The following USP13 variants were observed in gnomAD, a reference collection of about 807,000 sequenced individuals.
USP13 encodes ubiquitin specific peptidase 13, also known as ubiquitin carboxyl-terminal hydrolase 13.
Under a neutral mutation model 107.8 loss-of-function variants are expected in USP13, and 68 were observed. That is an observed-to-expected ratio of 0.63 (90% confidence interval 0.52 to 0.77). The LOEUF is 0.77. USP13 is among the 30% of genes least tolerant of loss of function. The probability of loss-of-function intolerance (pLI) is 0.00; values close to 1 mark genes in which losing one functional copy is unlikely to be tolerated. For missense variants in USP13, 945 were observed against 1,093.3 expected, an observed-to-expected ratio of 0.86 and a Z score of 1.91; for synonymous variants, 377 against 389.5, an observed-to-expected ratio of 0.97 and a Z score of 0.38.
At chr3:179,774,340 C>T (rs530241899) in intron 19 of USP13, among the ~76,000 whole-genome samples, 3 of 152,154 alleles carry the variant, frequency 2.0e-5, no homozygotes, top group Non-Finnish European at 2.9e-5. Context: ...AATGAAGCCG[C>T]GGACCCTCCC....
In USP13 at chr3:179,740,364, C is replaced by G; in HGVS notation, c.1372C>G (p.Leu458Val). The G allele has an allele frequency of 6.2e-7, 1 of 1,614,056 alleles. No homozygotes were observed. Among genetic ancestry groups the G allele is most frequent in the Non-Finnish European group, 8.5e-7 (1 of 1,179,970 alleles). The stretch of plus-strand genomic sequence containing the variant: ...GGAATTCTTCTTGCACCTGGTGAAT[C>G]TAGTAGAGGTGAGTAGTCAGTCTTC... Reference protein sequence around the residue: ...AQEFFLHLVNLVERNRIGSEN... With the variant: ...AQEFFLHLVNVVERNRIGSEN... The change falls in exon 11 of 21, where the codon CTA becomes GTA. Residue 458 changes from leucine (L) to valine (V), a missense_variant. Coordinates refer to ENST00000263966, the MANE Select transcript of USP13 (RefSeq NM_003940.3).
chr3:179,666,615 G>A (rs1720593591), intron 1 of USP13, among the ~76,000 whole-genome samples: 1 of 152,158 alleles, frequency 6.6e-6, no homozygotes, highest in African/African-American at 2.4e-5. Flanking sequence ...GAGTGGAGCT[G>A]GCAAAGCCTG....
At chr3:179,679,129 A>G (rs1402216411) in intron 1 of USP13, among the ~76,000 whole-genome samples, 3 of 152,180 alleles carry the variant, frequency 2.0e-5, no homozygotes, top group African/African-American at 7.2e-5. Context: ...GAATTTGATT[A>G]TTAGAAAATT....
intron 19 of USP13, among the ~76,000 whole-genome samples, chr3:179,780,240 G>A (rs1293768280): frequency 6.6e-6 from 1 of 152,104 alleles, no homozygotes; most frequent in Non-Finnish European, 1.5e-5. Context: ...TTGCAGTTAG[G>A]CAAGAAAAAG....
intron 15 of USP13, among the ~76,000 whole-genome samples, chr3:179,755,432 C>T (rs1349488057): frequency 2.0e-5 from 3 of 152,006 alleles, no homozygotes; most frequent in Admixed American, 2.0e-4. Context: ...GTAGCTGGGA[C>T]TACAGGCGCG....
At chr3:179,756,853 A>C (rs937267636) in intron 15 of USP13, among the ~76,000 whole-genome samples, 199 bp from the exon 16 acceptor site, 2 of 152,150 alleles carry the variant, frequency 1.3e-5, no homozygotes, top group African/African-American at 2.4e-5. Flanking sequence ...GTTTTAACTA[A>C]CCTAAACGCC....
intron 19 of USP13, among the ~76,000 whole-genome samples, chr3:179,772,021 G>A (rs546827495): frequency 6.6e-6 from 1 of 152,306 alleles, no homozygotes; most frequent in African/African-American, 2.4e-5. Context: ...TGGTGACAAA[G>A]CTAAGTGGTT....
chr3:179,748,839 A>G (rs1260803414), intron 13 of USP13, among the ~76,000 whole-genome samples: 2 of 152,186 alleles, frequency 1.3e-5, no homozygotes, highest in Admixed American at 1.3e-4. Context: ...TTGGTATGCA[A>G]CCTTGGCCAA....
At position 179,721,616 on chromosome 3, in the gene USP13, C is replaced by A; in HGVS notation, c.1088+27C>A. On this transcript the variant is annotated intron_variant, in intron 8 of 20. Transcript: ENST00000263966. This position sits in a 1 kb window ranked among gnomAD's most constrained non-coding sequence, Gnocchi z 4.3. ...TAAGTGCCTTCCATGCAGACCAGGG[C>A]ACGCGGCACCTCCCTGCCCCATCTA... 1 of 1,606,434 alleles carries A rather than the reference C, an allele frequency of 6.2e-7. No homozygotes were observed. Among genetic ancestry groups the A allele is most frequent in the Non-Finnish European group, 8.5e-7 (1 of 1,176,628 alleles).
chr3:179,752,432 G>A (rs1714646361), intron 14 of USP13, 59 bp downstream of exon 14: 3 of 1,288,698 alleles, frequency 2.3e-6, no homozygotes, highest in African/African-American at 1.5e-5. Context: ...AAACAACATG[G>A]CATGTGAAAG....
intron 14 of USP13, among the ~76,000 whole-genome samples, chr3:179,754,157 G>C (rs2300763): frequency 0.4 from 60,617 of 151,904 alleles, 13,141 homozygotes; most frequent in East Asian, 0.65. Context: ...GGTCTTGCTT[G>C]GGTGTTCCCA....
At position 179,740,309 on chromosome 3, in the gene USP13, A is replaced by T; in HGVS notation, c.1317A>T (p.Glu439Asp). 6.2e-7 allele frequency: 1 copy of T among 1,614,142 alleles called. No homozygotes were observed. The highest frequency in any genetic ancestry group is 8.5e-7 in the Non-Finnish European group (1 of 1,180,014). Residue 439 changes from glutamate to aspartate, a missense_variant, in exon 11 of 21, where the codon GAA (glutamate) becomes GAT (aspartate). Glu to Asp is a conservative substitution (Grantham distance 45). Transcript: ENST00000263966. ...FKAFVSKSHP[E>D]FSSNRQQDAQ... is the part of the protein sequence containing the mutation. ...CCTTTGTAAGCAAGAGCCACCCGGA[A>T]TTCTCCTCTAACAGGCAGCAAGATG...
chr3:179,653,783 G>A lies in USP13; in HGVS notation c.168+390G>A, dbSNP rs1720168697. The A allele has an allele frequency of 5.5e-6, 1 of 181,366 alleles. No individual in the cohort carries two copies. Among genetic ancestry groups the A allele is most frequent in the East Asian group, 1.6e-4 (1 of 6,428 alleles). 11.2% of individuals were successfully genotyped at this position (181,366 alleles called of 1,614,324 possible). A position where few individuals can be genotyped will look rare whatever the true frequency, so the allele number is the denominator to read the frequency against. On this transcript the variant is annotated intron_variant, in intron 1 of 20. Transcript: ENST00000263966. This position sits in a 1 kb window ranked among gnomAD's most constrained non-coding sequence, Gnocchi z 4.0. ...GACGGGATGATCCCCCCACACCCCG[G>A]GACACACACAGCCCTTCTTTTTCTG...
intron 3 of USP13, among the ~76,000 whole-genome samples, chr3:179,699,797 C>A (rs1233823700): frequency 7.0e-6 from 1 of 142,638 alleles, no homozygotes; most frequent in Non-Finnish European, 1.5e-5. Flanking sequence ...ATTTTTACTA[C>A]AAACTGCCCT....
Position 179,773,798 on chromosome 3 carries a change from T to A in USP13, c.2414-7941T>A, listed in dbSNP as rs144884595. Among the ~76,000 whole-genome samples the A allele has an allele frequency of 1.2e-4, 18 of 152,348 alleles. No homozygotes were observed. In the East Asian group the frequency reaches 3.5e-3, roughly 29 times the overall value. On this transcript the variant is annotated intron_variant, in intron 19 of 20. Coordinates refer to ENST00000263966, the MANE Select transcript of USP13 (RefSeq NM_003940.3). The stretch of plus-strand genomic sequence containing the variant: ...GGACCATAAATCCTTGAAATAATTA[T>A]ATTACCAGTTTATACCCCAATTTAT...
intron 3 of USP13, among the ~76,000 whole-genome samples, chr3:179,693,589 AAATT>A (rs1166113488): frequency 6.6e-6 from 1 of 152,142 alleles, no homozygotes. Flanking sequence ...TGTGACCTAT[AAATT>A]AATTTCAGTG....
intron 1 of USP13, among the ~76,000 whole-genome samples, chr3:179,667,975 T>C (rs1481002341): frequency 3.3e-5 from 5 of 152,064 alleles, no homozygotes; most frequent in African/African-American, 1.2e-4. Context: ...ACCAAAAAAG[T>C]TAATAAATGA....
intron 10 of USP13, among the ~76,000 whole-genome samples, chr3:179,739,954 G>A (rs114934808): frequency 0.015 from 2,324 of 152,236 alleles, 71 homozygotes; most frequent in African/African-American, 0.054. Context: ...GTGAGAATGA[G>A]CCGAGTGCCT....
chr3:179,763,936 G>A, intron 17 of USP13, 66 bp from the exon 18 acceptor site: 1 of 1,468,108 alleles, frequency 6.8e-7, no homozygotes, highest in Non-Finnish European at 9.0e-7. Context: ...TTCCTTGTTA[G>A]TGTTGTTTCA....
Sources: allele counts gnomAD v4.1 joint callset (sites outside exome capture counted in the v4.1 genomes callset), GRCh38; gene constraint gnomAD v4.1.1; non-coding constraint Gnocchi (gnomAD v3.1); transcripts MANE v1.5; gene names NCBI Gene and HGNC (gene_info 2026-07-23, HGNC 2026-07-21).